The following ESR1 variants were observed in gnomAD, a reference collection of about 807,000 sequenced individuals.
ESR1 encodes estrogen receptor.
Under a neutral mutation model 52.7 loss-of-function variants are expected in ESR1, and 12 were observed. The observed-to-expected ratio is 0.23, with a 90% CI of 0.15 to 0.37. ESR1 has a LOEUF of 0.37. Among genes scored for constraint, ESR1 ranks in the 10% least tolerant of loss-of-function variants. The pLI, the probability that ESR1 is intolerant of heterozygous loss-of-function variation, is 1.00. For synonymous variants in ESR1, 305 were observed against 316.8 expected (o/e 0.96, Z 0.39); for missense variants, 584 against 779.7 (o/e 0.75, Z 2.99).
chr6:151,904,029 C>T (rs1354680743), intron 3 of ESR1, among the ~76,000 whole-genome samples: 7 of 152,166 alleles, frequency 4.6e-5, no homozygotes, highest in Non-Finnish European at 1.0e-4. Flanking sequence ...TTTATGTCAG[C>T]GCTTGGCTAA....
At chr6:151,899,119 C>CA (rs1562526349) in intron 3 of ESR1, among the ~76,000 whole-genome samples, 4 of 119,908 alleles carry the variant, frequency 3.3e-5, no homozygotes, top group East Asian at 3.1e-4. Context: ...GCTGGCCGGG[C>CA]GGGGGGCTGA....
chr6:152,088,561 G>A (rs191739592), intron 6 of ESR1, among the ~76,000 whole-genome samples: 2 of 152,270 alleles, frequency 1.3e-5, no homozygotes, highest in African/African-American at 4.8e-5. Flanking sequence ...ACGGAATAAC[G>A]GGTTAATGGA....
intron 5 of ESR1, among the ~76,000 whole-genome samples, chr6:152,013,816 T>A (rs1197228789): frequency 6.6e-6 from 1 of 152,164 alleles, no homozygotes; most frequent in Non-Finnish European, 1.5e-5. Flanking sequence ...GAAATTTGAA[T>A]TACCTCTAGA....
At chr6:152,026,692 T>C (rs1479675346) in intron 5 of ESR1, among the ~76,000 whole-genome samples, 1 of 152,032 alleles carries the variant, frequency 6.6e-6, no homozygotes, top group African/African-American at 2.4e-5. Context: ...TTTTGTATTT[T>C]TGTTCTGGTT....
intron 3 of ESR1, among the ~76,000 whole-genome samples, chr6:151,919,892 A>G (rs1187130623): frequency 6.6e-6 from 1 of 152,224 alleles, no homozygotes; most frequent in Non-Finnish European, 1.5e-5. Flanking sequence ...ACACACAGGT[A>G]TATGTATATG....
At chr6:151,783,425 G>T (rs1448184965) in intron 2 of ESR1, among the ~76,000 whole-genome samples, 1 of 152,182 alleles carries the variant, frequency 6.6e-6, no homozygotes. Context: ...ACTGCTACAG[G>T]CACTTCATAA....
In ESR1 at chr6:152,094,296, G is replaced by T. The variant is rs1585227470; in HGVS notation, c.1370-89G>T. 1.8e-5 allele frequency: 20 copies of T among 1,108,460 alleles called. No homozygotes were observed. The East Asian group carries it at 4.7e-4, about 26-fold the overall frequency. 68.7% of individuals were successfully genotyped at this position (1,108,460 alleles called of 1,614,324 possible). A position where few individuals can be genotyped will look rare whatever the true frequency, so the allele number is the denominator to read the frequency against. On this transcript the variant is annotated intron_variant, in intron 6 of 7. Transcript: ENST00000206249. The surrounding 1 kb of genome is among the most constrained non-coding windows in gnomAD (Gnocchi z 4.6). The stretch of plus-strand genomic sequence containing the variant: ...ACTACTGTGCTGAGGAAGGGCACTG[G>T]CTCATTGTTACATCCCATGAACACT...
At chr6:151,721,465 G>A (rs965480907) in intron 2 of ESR1, among the ~76,000 whole-genome samples, 4 of 152,180 alleles carry the variant, frequency 2.6e-5, no homozygotes, top group African/African-American at 7.2e-5. Flanking sequence ...TTGATGGAGC[G>A]AGATTCCTGG....
intron 4 of ESR1, among the ~76,000 whole-genome samples, chr6:151,970,398 T>C (rs1158970157): frequency 6.6e-6 from 1 of 152,066 alleles, no homozygotes; most frequent in African/African-American, 2.4e-5. Context: ...ACAAATTTTA[T>C]GGAAACAGAC....
intron 1 of ESR1, among the ~76,000 whole-genome samples, chr6:151,834,422 A>G (rs1309484232): frequency 1.3e-5 from 2 of 152,216 alleles, no homozygotes; most frequent in East Asian, 1.9e-4. Context: ...GCTGGAAACC[A>G]TCATTCTCAG....
chr6:151,871,059 C>A (rs1790860564), intron 2 of ESR1, among the ~76,000 whole-genome samples: 1 of 151,906 alleles, frequency 6.6e-6, no homozygotes, highest in African/African-American at 2.4e-5. Context: ...CTATGTTGCC[C>A]AGGCTGGTCT....
intron 3 of ESR1, among the ~76,000 whole-genome samples, chr6:151,898,758 T>C (rs1015069417): frequency 2.0e-5 from 3 of 152,208 alleles, no homozygotes; most frequent in African/African-American, 7.2e-5. Context: ...GAAGAATTTT[T>C]CTTAGTACAG....
intron 3 of ESR1, among the ~76,000 whole-genome samples, chr6:151,904,701 C>T (rs990468613): frequency 1.1e-4 from 16 of 151,894 alleles, no homozygotes; most frequent in Admixed American, 6.6e-4. Flanking sequence ...TAATAATAAT[C>T]GATTTTGGAT....
chr6:151,971,057 C>T (rs559152718), intron 4 of ESR1, among the ~76,000 whole-genome samples: 282 of 152,284 alleles, frequency 1.9e-3, no homozygotes, highest in African/African-American at 6.4e-3. Flanking sequence ...CCATGAGTGC[C>T]TAACATAGCA....
intron 5 of ESR1, among the ~76,000 whole-genome samples, chr6:152,041,240 C>A (rs747740093): frequency 5.9e-5 from 9 of 152,186 alleles, no homozygotes; most frequent in Non-Finnish European, 1.2e-4. Context: ...ACACTTCAAG[C>A]ACCATTGGAT....
chr6:151,709,895 A>G (rs546768914), intron 2 of ESR1, among the ~76,000 whole-genome samples: 17 of 151,810 alleles, frequency 1.1e-4, no homozygotes, highest in African/African-American at 3.6e-4. Flanking sequence ...ATCTTACTTC[A>G]AAGAGTCTTC....
At chr6:151,808,392 G>A (rs1020266059) in intron 1 of ESR1, 28 bp downstream of exon 1, 50 of 1,387,406 alleles carry the variant, frequency 3.6e-5, no homozygotes, top group Non-Finnish European at 4.6e-5. Context: ...GCCCGTCGGG[G>A]TGGCCGCCGC....
At chr6:151,990,478 T>G (rs905264853) in intron 4 of ESR1, among the ~76,000 whole-genome samples, 1 of 152,110 alleles carries the variant, frequency 6.6e-6, no homozygotes, top group African/African-American at 2.4e-5. Flanking sequence ...CCTTGCAACC[T>G]TGAAGTCCTC....
chr6:151,946,148 C>A (rs1185760763), intron 4 of ESR1, among the ~76,000 whole-genome samples: 1 of 152,010 alleles, frequency 6.6e-6, no homozygotes. Flanking sequence ...TTGCCTTGTT[C>A]TTATATTATA....
Sources: allele counts gnomAD v4.1 joint callset (sites outside exome capture counted in the v4.1 genomes callset), GRCh38; gene constraint gnomAD v4.1.1; non-coding constraint Gnocchi (gnomAD v3.1); transcripts MANE v1.5; gene names NCBI Gene and HGNC (gene_info 2026-07-23, HGNC 2026-07-21).